Variants in LRBA observed in about 807,000 individuals in gnomAD.
The protein encoded by LRBA is LPS responsive beige-like anchor protein, also known as lipopolysaccharide-responsive and beige-like anchor protein.
LRBA carries 176 observed loss-of-function variants against 330.0 expected under a neutral mutation model. That is an observed-to-expected ratio of 0.53 (90% CI 0.47 to 0.60). The LOEUF is 0.60. Among genes scored for constraint, LRBA ranks in the 20% least tolerant of loss-of-function variants. The probability of loss-of-function intolerance (pLI) is 0.00; values close to 1 mark genes in which losing one functional copy is unlikely to be tolerated. For synonymous variants in LRBA, 1,230 were observed against 1,193.0 expected (o/e 1.03, Z -0.64); for missense variants, 3,259 against 3,444.8 (o/e 0.95, Z 1.35).
intron 2 of LRBA, among the ~76,000 whole-genome samples, chr4:150,988,034 T>C (rs1298142402): frequency 1.3e-5 from 2 of 150,848 alleles, no homozygotes; most frequent in African/African-American, 2.4e-5. Flanking sequence ...ATTCGCCTTA[T>C]TGAAAACTCT....
chr4:150,306,572 C>T (rs1730385671), intron 52 of LRBA, among the ~76,000 whole-genome samples: 1 of 152,062 alleles, frequency 6.6e-6, no homozygotes, highest in Admixed American at 6.6e-5. Context: ...TTTTATTTCA[C>T]AAGCTAAGTC....
chr4:150,634,079 C>T (rs1186890648), intron 37 of LRBA, among the ~76,000 whole-genome samples: 1 of 152,166 alleles, frequency 6.6e-6, no homozygotes, highest in African/African-American at 2.4e-5. Context: ...CGCACCATTG[C>T]ACTCCAGCCT....
intron 2 of LRBA, among the ~76,000 whole-genome samples, chr4:150,961,639 G>C (rs957486608): frequency 6.7e-6 from 1 of 149,416 alleles, no homozygotes; most frequent in Admixed American, 6.6e-5. Context: ...TCTAGGAAAA[G>C]TAAGCAAACA....
At chr4:150,343,677 T>C (rs1735887774) in intron 48 of LRBA, among the ~76,000 whole-genome samples, 1 of 152,094 alleles carries the variant, frequency 6.6e-6, no homozygotes, top group Non-Finnish European at 1.5e-5. Flanking sequence ...CATACTTCCA[T>C]GGCAAACCCC....
At chr4:150,777,324 C>T (rs1301174983) in intron 34 of LRBA, among the ~76,000 whole-genome samples, 3 of 151,944 alleles carry the variant, frequency 2.0e-5, no homozygotes, top group South Asian at 2.1e-4. Flanking sequence ...CGTAGTAATA[C>T]TACCCTTTTT....
chr4:150,612,556 A>C (rs1775380397), intron 37 of LRBA, among the ~76,000 whole-genome samples: 1 of 152,152 alleles, frequency 6.6e-6, no homozygotes, highest in South Asian at 2.1e-4. Flanking sequence ...ATTTTGAAGC[A>C]ATTATTTACA....
chr4:150,490,930 T>C lies in LRBA; in HGVS notation c.6436A>G (p.Met2146Val). The change falls in exon 41 of 57, where the codon ATG (methionine) becomes GTG (valine). Residue 2146 changes from methionine (M) to valine (V), a missense_variant. Transcript: ENST00000651943. ...LLQNTALEIFMANRVAVMFNF... is the reference protein window; with the variant it reads ...LLQNTALEIFVANRVAVMFNF... ...TGTAACACATTACCTCTGTTTGCCA[T>C]AAAGATCTCCAGGGCTGTATTTTGC... 6.3e-7 allele frequency: 1 copy of C among 1,599,578 alleles called. No individual in the cohort carries two copies.
Position 151,014,861 on chromosome 4 carries a change from C to T in LRBA, c.-219G>A. On this transcript the variant is annotated splice_region_variant and 5_prime_UTR_variant, in exon 2 of 57. Transcript: ENST00000651943. ...CCCGAGGCTGACAACAACGCCAAACCCTATTGGAAGATTAAATATATGTTA... is the reference window on the plus strand; with the variant it reads ...CCCGAGGCTGACAACAACGCCAAACTCTATTGGAAGATTAAATATATGTTA... 2 of 535,080 alleles carry T rather than the reference C, an allele frequency of 3.7e-6. No homozygotes were observed. The highest frequency in any genetic ancestry group is 6.3e-5 in the Admixed American group (2 of 31,950). The allele number at this position is 535,080 out of a possible 1,614,324, so 33.1% of individuals were successfully genotyped here. A position where few individuals can be genotyped will look rare whatever the true frequency, so the allele number is the denominator to read the frequency against.
chr4:150,642,283 A>C (rs1407900897), intron 37 of LRBA, among the ~76,000 whole-genome samples: 6 of 151,930 alleles, frequency 3.9e-5, no homozygotes, highest in Admixed American at 1.3e-4. Context: ...TTTCTTATGC[A>C]CAAAAAATAG....
chr4:150,957,234 T>C (rs889128181), intron 2 of LRBA, among the ~76,000 whole-genome samples: 1 of 148,094 alleles, frequency 6.8e-6, no homozygotes, highest in Non-Finnish European at 1.5e-5. Context: ...AGGAAAGAGG[T>C]TTAACTGACT....
intron 56 of LRBA, among the ~76,000 whole-genome samples, chr4:150,273,850 C>G (rs1463296479): frequency 5.3e-5 from 8 of 152,108 alleles, no homozygotes; most frequent in Non-Finnish European, 1.2e-4. Flanking sequence ...GACTCCCACA[C>G]AATAATAGTG....
In LRBA at chr4:150,472,210, G is replaced by A. The variant is rs142906281; in HGVS notation, c.6552-471C>T. ...AAGGGAGACTCTAAACTATTTGGGC[G>A]TCTGTTCATGGGGTAAAGAGAAATT... On this transcript the variant is annotated intron_variant, in intron 42 of 56. Transcript: ENST00000651943. Among the ~76,000 whole-genome samples, 19 of 152,062 alleles carry A rather than the reference G, an allele frequency of 1.2e-4. No homozygotes were observed. The East Asian group carries it at 1.4e-3, about 11-fold the overall frequency.
At chr4:150,327,645 C>A (rs764368216) in intron 48 of LRBA, among the ~76,000 whole-genome samples, 1 of 152,210 alleles carries the variant, frequency 6.6e-6, no homozygotes, top group African/African-American at 2.4e-5. Flanking sequence ...AGCTTATCTC[C>A]GTTTCCCATC....
chr4:150,718,693 T>C (rs575264774), intron 36 of LRBA, among the ~76,000 whole-genome samples: 1 of 152,282 alleles, frequency 6.6e-6, no homozygotes, highest in South Asian at 2.1e-4. Flanking sequence ...ATATTTCTTG[T>C]TTTATTTAGA....
chr4:150,526,304 C>T (rs1171002924), intron 40 of LRBA, among the ~76,000 whole-genome samples: 1 of 152,194 alleles, frequency 6.6e-6, no homozygotes, highest in Non-Finnish European at 1.5e-5. Flanking sequence ...ACATTTTTAT[C>T]TACTCCCTTG....
chr4:150,513,250 A>G (rs1762012528), intron 40 of LRBA, among the ~76,000 whole-genome samples: 1 of 152,228 alleles, frequency 6.6e-6, no homozygotes, highest in Non-Finnish European at 1.5e-5. Context: ...GCCATCTTAT[A>G]TGACACACTG....
chr4:150,297,685 A>T (rs1218325369), intron 53 of LRBA, among the ~76,000 whole-genome samples: 1 of 152,186 alleles, frequency 6.6e-6, no homozygotes, highest in East Asian at 1.9e-4. Flanking sequence ...TCTAGTGAAC[A>T]TAAGGAACCT....
intron 4 of LRBA, among the ~76,000 whole-genome samples, chr4:150,927,049 G>A (rs1487316592): frequency 2.1e-5 from 3 of 145,646 alleles, no homozygotes; most frequent in Non-Finnish European, 4.5e-5. Context: ...TTAGCCTGGC[G>A]ACAGAGCAAG....
intron 52 of LRBA, among the ~76,000 whole-genome samples, chr4:150,308,778 A>G (rs531030157): frequency 6.6e-6 from 1 of 152,338 alleles, no homozygotes; most frequent in East Asian, 1.9e-4. Flanking sequence ...CAATAAGGAT[A>G]TATAGAAAAT....
Sources: gnomAD v4.1 joint callset for allele counts (sites outside exome capture counted in the v4.1 genomes callset) on GRCh38, gnomAD v4.1.1 for gene constraint, MANE v1.5 for transcripts, NCBI Gene and HGNC (gene_info 2026-07-23, HGNC 2026-07-21) for gene names.